Variants in TRAPPC13 observed in about 807,000 individuals in gnomAD.
TRAPPC13 encodes the protein REV7-interacting novel NHEJ regulator 1.
In TRAPPC13, 39 loss-of-function variants were observed where a neutral mutation model predicts 54.0. The ratio of observed to expected loss-of-function variants is 0.72; its 90% CI spans 0.56 to 0.94. The LOEUF is 0.94. TRAPPC13 is among the 40% of genes least tolerant of loss of function. The probability of loss-of-function intolerance (pLI) is 0.00; values close to 1 mark genes in which losing one functional copy is unlikely to be tolerated. For missense variants in TRAPPC13, 386 were observed against 488.1 expected, an observed-to-expected ratio of 0.79 and a Z score of 1.97; for synonymous variants, 148 against 167.7, an observed-to-expected ratio of 0.88 and a Z score of 0.91.
chr5:65,625,205 G>T (rs1755153183), intron 1 of TRAPPC13, 99 bp downstream of exon 1: 1 of 1,017,636 alleles, frequency 9.8e-7, no homozygotes, highest in African/African-American at 1.6e-5. Flanking sequence ...TAAACACTCA[G>T]TGCTCGCCCT....
chr5:65,651,583 T>C (rs1314826322), intron 6 of TRAPPC13, among the ~76,000 whole-genome samples: 1 of 150,856 alleles, frequency 6.6e-6, no homozygotes. Flanking sequence ...GAGTTTTGTA[T>C]TAATATACAG....
Position 65,637,702 on chromosome 5 carries a change from A to G in TRAPPC13, c.222A>G (p.Ile74Met). 1 of 1,544,366 alleles carries G rather than the reference A, an allele frequency of 6.5e-7. No homozygotes were observed. The highest frequency in any genetic ancestry group is 8.8e-7 in the Non-Finnish European group (1 of 1,134,512). ...MLTLPQNFGN[I>M]FLGETFSSYI... ...TACTTATTTTATTTTACAGGAATAT[A>G]TTTTTGGGAGAGACCTTTTCCAGTT... Residue 74 changes from isoleucine (I) to methionine (M), a missense_variant, in exon 4 of 13, where the codon ATA becomes ATG. Transcript: ENST00000399438.
intron 4 of TRAPPC13, among the ~76,000 whole-genome samples, chr5:65,639,554 A>G (rs569181802): frequency 6.6e-6 from 1 of 152,340 alleles, no homozygotes; most frequent in African/African-American, 2.4e-5. Context: ...CCAGCTACTC[A>G]GGAAGCTGAA....
At chr5:65,660,438 A>T (rs1178865862) in intron 9 of TRAPPC13, among the ~76,000 whole-genome samples, 2 of 152,052 alleles carry the variant, frequency 1.3e-5, no homozygotes, top group Non-Finnish European at 2.9e-5. Flanking sequence ...ATTTAAAAAA[A>T]AAAAAAGGGA....
chr5:65,661,059 G>A (rs78347565), intron 10 of TRAPPC13, 162 bp downstream of exon 10: 189 of 535,032 alleles, frequency 3.5e-4, no homozygotes, highest in African/African-American at 3.1e-3. Flanking sequence ...TAGGTAGGTC[G>A]AAGACTGGTG....
chr5:65,648,364 T>A (rs1040875028), intron 5 of TRAPPC13, among the ~76,000 whole-genome samples: 8 of 150,146 alleles, frequency 5.3e-5, no homozygotes, highest in Non-Finnish European at 1.2e-4. Flanking sequence ...TTTATCATTT[T>A]AAAAAATGTT....
At position 65,662,031 on chromosome 5, in the gene TRAPPC13, G is replaced by A; in HGVS notation, c.898-19G>A. ...GTTTTGTGATAGATATACATTAACTGTGTTGCTTGTTTTCTTAGGCTCCAG... is the reference window on the plus strand; with the variant it reads ...GTTTTGTGATAGATATACATTAACTATGTTGCTTGTTTTCTTAGGCTCCAG... On this transcript the variant is annotated intron_variant, in intron 10 of 12. Coordinates refer to ENST00000399438, the MANE Select transcript of TRAPPC13 (RefSeq NM_024941.4). The A allele has an allele frequency of 1.3e-6, 2 of 1,571,196 alleles. No homozygotes were observed. The highest frequency in any genetic ancestry group is 2.3e-5 in the East Asian group (1 of 43,306).
chr5:65,646,506 A>G (rs1756212533), intron 4 of TRAPPC13, among the ~76,000 whole-genome samples: 1 of 100,268 alleles, frequency 1.0e-5, no homozygotes, highest in Non-Finnish European at 2.4e-5. Flanking sequence ...ACACCATTGT[A>G]GCTTCCCCCC....
chr5:65,647,166 G>T lies in TRAPPC13; in HGVS notation c.412G>T (p.Glu138Ter). ...IDDVIHHEVK[E>*]IGTHILVCAV... ...TGATGTCATACATCATGAAGTCAAA[G>T]AAATTGGAACACACATGTAAGGATT... Residue 138 changes from glutamate to a stop codon, truncating the protein, a stop_gained, in exon 5 of 13, where the codon GAA becomes TAA. Coordinates refer to ENST00000399438, the MANE Select transcript of TRAPPC13 (RefSeq NM_024941.4). LOFTEE classifies it high-confidence loss of function. 6.3e-7 allele frequency: 1 copy of T among 1,585,666 alleles called. No individual in the cohort carries two copies.
At chr5:65,643,136 T>G (rs1756032175) in intron 4 of TRAPPC13, among the ~76,000 whole-genome samples, 1 of 152,002 alleles carries the variant, frequency 6.6e-6, no homozygotes, top group Non-Finnish European at 1.5e-5. Flanking sequence ...GGTTGTTTAA[T>G]GGAAAAGCTT....
intron 2 of TRAPPC13, 90 bp from the exon 3 acceptor site, chr5:65,635,854 T>C: frequency 7.7e-6 from 6 of 781,862 alleles, no homozygotes; most frequent in Non-Finnish European, 1.2e-5. Context: ...GAGGTTGTTT[T>C]TTAAAATATC....
At chr5:65,628,509 G>C (rs1755354563) in intron 1 of TRAPPC13, among the ~76,000 whole-genome samples, 2 of 151,180 alleles carry the variant, frequency 1.3e-5, no homozygotes, top group Non-Finnish European at 2.9e-5. Context: ...ACCCAGGCTG[G>C]AGTGCAATGG....
chr5:65,663,932 C>T (rs1756929155), intron 11 of TRAPPC13: 1 of 267,200 alleles, frequency 3.7e-6, no homozygotes, highest in Non-Finnish European at 7.0e-6. Context: ...GTGTGGAAGT[C>T]TCCCAGAAAA....
intron 1 of TRAPPC13, among the ~76,000 whole-genome samples, chr5:65,634,751 T>A (rs897098556): frequency 2.7e-5 from 4 of 146,904 alleles, no homozygotes; most frequent in African/African-American, 1.0e-4. Flanking sequence ...AAAAAAAAAA[T>A]AACCAGGCAT....
At chr5:65,639,237 TTGGG>T (rs1755877015) in intron 4 of TRAPPC13, among the ~76,000 whole-genome samples, 1 of 152,094 alleles carries the variant, frequency 6.6e-6, no homozygotes, top group African/African-American at 2.4e-5. Flanking sequence ...AAGATGAGAT[TTGGG>T]TGGGGACACA....
At chr5:65,628,733 AGT>A (rs1185338225) in intron 1 of TRAPPC13, among the ~76,000 whole-genome samples, 2 of 151,990 alleles carry the variant, frequency 1.3e-5, no homozygotes, top group Non-Finnish European at 2.9e-5. Context: ...GCCCCCATAA[AGT>A]TCTGGGATTA....
At chr5:65,626,707 T>G (rs1488859038) in intron 1 of TRAPPC13, among the ~76,000 whole-genome samples, 1 of 151,484 alleles carries the variant, frequency 6.6e-6, no homozygotes. Flanking sequence ...CTGCACGCCA[T>G]CCTAGGCAAC....
At chr5:65,631,268 A>G (rs1329291437) in intron 1 of TRAPPC13, among the ~76,000 whole-genome samples, 2 of 152,212 alleles carry the variant, frequency 1.3e-5, no homozygotes, top group Non-Finnish European at 2.9e-5. Context: ...AGTGCCTGTC[A>G]TGGTAGGAGC....
intron 1 of TRAPPC13, chr5:65,630,832 A>G: frequency 3.5e-6 from 1 of 288,852 alleles, no homozygotes; most frequent in Non-Finnish European, 5.2e-6. Flanking sequence ...TACAAAATGT[A>G]TACTTTGCCT....
Sources: allele counts gnomAD v4.1 joint callset (sites outside exome capture counted in the v4.1 genomes callset), GRCh38; gene constraint gnomAD v4.1.1; transcripts MANE v1.5; gene names NCBI Gene and HGNC (gene_info 2026-07-23, HGNC 2026-07-21).